Variants in ANKRD11 observed in about 807,000 individuals in gnomAD.
The protein encoded by ANKRD11 is ankyrin repeat domain-containing protein 11.
In ANKRD11, 17 loss-of-function variants were observed where a neutral mutation model predicts 195.7. That is an observed-to-expected ratio of 0.09 (90% confidence interval 0.06 to 0.13). The LOEUF (loss-of-function observed/expected upper bound fraction) is 0.13, where lower values mean the gene tolerates loss of function less well. Among genes scored for constraint, ANKRD11 ranks in the 10% least tolerant of loss-of-function variants. ANKRD11 has a pLI of 1.00. For missense variants in ANKRD11, 3,735 were observed against 3,566.1 expected, an observed-to-expected ratio of 1.05 and a Z score of -1.21; for synonymous variants, 1,953 against 1,528.1, an observed-to-expected ratio of 1.28 and a Z score of -6.49.
intron 3 of ANKRD11, among the ~76,000 whole-genome samples, chr16:89,307,753 T>G (rs766950932): frequency 1.2e-4 from 18 of 152,250 alleles, no homozygotes; most frequent in Non-Finnish European, 2.2e-4. Flanking sequence ...GGCATCTTCC[T>G]TGGGGTCGGG....
At chr16:89,348,191 CA>C (rs2039035950) in intron 2 of ANKRD11, among the ~76,000 whole-genome samples, 2 of 152,112 alleles carry the variant, frequency 1.3e-5, no homozygotes, top group African/African-American at 4.8e-5. Flanking sequence ...CTCAGCCTCC[CA>C]AAATGTTGGG....
At chr16:89,333,634 C>T (rs1036726894) in intron 2 of ANKRD11, among the ~76,000 whole-genome samples, 2 of 152,136 alleles carry the variant, frequency 1.3e-5, no homozygotes, top group Non-Finnish European at 2.9e-5. Flanking sequence ...TCCTTGGAGA[C>T]GGGCTGCTTT....
At position 89,355,763 on chromosome 16, in the gene ANKRD11, C is replaced by T. The variant is rs1402267299; in HGVS notation, c.-59-38685G>A. On this transcript the variant is annotated intron_variant, in intron 2 of 12. Coordinates refer to ENST00000301030, the MANE Select transcript of ANKRD11 (RefSeq NM_013275.6). ...CGAGGGCAGGTCTTGTGTTACTGAG[C>T]GCAGCCTGACAATCGCATCTGCACC... 7.2e-5 allele frequency among the ~76,000 whole-genome samples: 11 copies of T among 152,346 alleles called. No individual in the cohort carries two copies. In the East Asian group the frequency reaches 7.7e-4, roughly 11 times the overall value.
intron 2 of ANKRD11, chr16:89,340,113 TTGTC>T (rs1212442912): frequency 1.3e-5 from 2 of 152,246 alleles, no homozygotes; most frequent in South Asian, 2.1e-4. Flanking sequence ...AAATGAGTAT[TTGTC>T]TGTTTCTTTA....
chr16:89,376,384 C>T (rs2040424416), intron 2 of ANKRD11, among the ~76,000 whole-genome samples: 1 of 152,172 alleles, frequency 6.6e-6, no homozygotes, highest in Admixed American at 6.5e-5. Context: ...CAGATGAGGT[C>T]CCAGACACCA....
At chr16:89,355,363 G>A (rs1339011558) in intron 2 of ANKRD11, among the ~76,000 whole-genome samples, 4 of 152,180 alleles carry the variant, frequency 2.6e-5, no homozygotes, top group Non-Finnish European at 5.9e-5. Context: ...CAACACAAAC[G>A]GAGGACGATG....
At chr16:89,449,200 A>G (rs1004305714) in intron 1 of ANKRD11, among the ~76,000 whole-genome samples, 11 of 152,032 alleles carry the variant, frequency 7.2e-5, no homozygotes, top group South Asian at 2.1e-4. Flanking sequence ...AAAAAAAAAA[A>G]AAAAGAAAAA....
At chr16:89,342,209 TGA>T (rs1490466490) in intron 2 of ANKRD11, among the ~76,000 whole-genome samples, 1 of 152,198 alleles carries the variant, frequency 6.6e-6, no homozygotes, top group Non-Finnish European at 1.5e-5. Context: ...GTCTCCACCA[TGA>T]GAGAGAAAAA....
intron 2 of ANKRD11, among the ~76,000 whole-genome samples, chr16:89,327,791 T>C (rs990666876): frequency 2.0e-5 from 3 of 152,132 alleles, no homozygotes; most frequent in African/African-American, 7.2e-5. Flanking sequence ...TATACACATT[T>C]TAGGAAAAAA....
Position 89,281,321 on chromosome 16 carries a change from C to A in ANKRD11, c.5221G>T (p.Asp1741Tyr). The A allele has an allele frequency of 6.2e-7, 1 of 1,613,828 alleles. No homozygotes were observed. Among genetic ancestry groups the A allele is most frequent in the Non-Finnish European group, 8.5e-7 (1 of 1,179,800 alleles). The change falls in exon 9 of 13, where the codon GAC becomes TAC. Residue 1741 changes from aspartate to tyrosine, a missense_variant. By Grantham distance (160) the Asp-to-Tyr change is radical. Transcript: ENST00000301030. The surrounding 1 kb of genome is among the most constrained non-coding windows in gnomAD (Gnocchi z 5.5). ...GGCACGGGCGTGGAGTGCTGCGAGT[C>A]GGCGCAGTCGAACACGAGGTCCGCG... ...DYADLVFDCADSQHSTPVPTA... is the reference protein window; with the variant it reads ...DYADLVFDCAYSQHSTPVPTA...
chr16:89,381,141 G>A lies in ANKRD11; in HGVS notation c.-60+37143C>T, dbSNP rs143289673. ...AGTTTGAGACCAGCCCGGCCAACAT[G>A]GCGAAACCCTATTTCTACTGAAAAT... is the stretch of plus-strand genomic sequence containing the variant. On this transcript the variant is annotated intron_variant, in intron 2 of 12. Coordinates refer to ENST00000301030, the MANE Select transcript of ANKRD11 (RefSeq NM_013275.6). 6.2e-3 allele frequency among the ~76,000 whole-genome samples: 950 copies of A among 152,214 alleles called. 10 individuals are homozygous for A. Among genetic ancestry groups the A allele is most frequent in the African/African-American group, 0.022 (907 of 41,516 alleles).
At chr16:89,297,560 G>A (rs1470030498) in intron 4 of ANKRD11, 2 of 152,208 alleles carry the variant, frequency 1.3e-5, no homozygotes, top group Non-Finnish European at 2.9e-5. Context: ...CGATCTACAC[G>A]AGGCGGATGG....
chr16:89,301,188 C>T, intron 4 of ANKRD11: 1 of 447,884 alleles, frequency 2.2e-6, no homozygotes, highest in Non-Finnish European at 3.9e-6. Flanking sequence ...CTCACTGCAG[C>T]CTTGACCTCC....
rs1458595198 is a variant in ANKRD11, at chr16:89,399,735, G to A, written c.-60+18549C>T. Among the ~76,000 whole-genome samples the A allele has an allele frequency of 2.6e-5, 4 of 152,182 alleles. No homozygotes were observed. The East Asian group carries it at 7.7e-4, about 29-fold the overall frequency. Reference sequence around the variant, plus strand: ...CTCTTGTGGGGATGCTGAGCCCAGGGGTGCGGGGGAACCCTCTGTAATTTA... The same window carrying A: ...CTCTTGTGGGGATGCTGAGCCCAGGAGTGCGGGGGAACCCTCTGTAATTTA... On this transcript the variant is annotated intron_variant, in intron 2 of 12. Transcript: ENST00000301030.
rs2151702848 is a variant in ANKRD11 at position 89,275,068 on chromosome 16, C to A, written c.7569+25G>T. On this transcript the variant is annotated intron_variant, in intron 10 of 12. Coordinates refer to ENST00000301030, the MANE Select transcript of ANKRD11 (RefSeq NM_013275.6). ...CGTGAAAAGCCCTGGCCGTGGCGCC[C>A]CCCTGCCTGTGCCAGCCCACTTACC... 1.9e-6 allele frequency: 3 copies of A among 1,612,548 alleles called. No homozygotes were observed. In the East Asian group the frequency reaches 6.7e-5, roughly 36 times the overall value.
At chr16:89,482,797 C>T (rs1486993098) in intron 1 of ANKRD11, among the ~76,000 whole-genome samples, 2 of 152,144 alleles carry the variant, frequency 1.3e-5, no homozygotes, top group African/African-American at 2.4e-5. Context: ...TCCAAAAAAG[C>T]GGGTGGGCAG....
chr16:89,432,194 G>C (rs1202844191), intron 1 of ANKRD11, among the ~76,000 whole-genome samples: 2 of 151,250 alleles, frequency 1.3e-5, no homozygotes, highest in Non-Finnish European at 2.9e-5. Flanking sequence ...AGAAGTCACT[G>C]GGCTAACAAG....
At chr16:89,465,842 C>T (rs2056862744) in intron 1 of ANKRD11, among the ~76,000 whole-genome samples, 1 of 152,216 alleles carries the variant, frequency 6.6e-6, no homozygotes, top group African/African-American at 2.4e-5. Context: ...TCCCGAGTAG[C>T]TGGGACTGCA....
At chr16:89,393,946 G>C (rs1218541428) in intron 2 of ANKRD11, among the ~76,000 whole-genome samples, 1 of 152,214 alleles carries the variant, frequency 6.6e-6, no homozygotes, top group African/African-American at 2.4e-5. Flanking sequence ...TAGTTTACTT[G>C]TGAGGGCTAC....
Sources: gnomAD v4.1 joint callset for allele counts (sites outside exome capture counted in the v4.1 genomes callset) on GRCh38, gnomAD v4.1.1 for gene constraint, Gnocchi (gnomAD v3.1) non-coding constraint, MANE v1.5 for transcripts, NCBI Gene and HGNC (gene_info 2026-07-23, HGNC 2026-07-21) for gene names.